Variants in SLC25A48 observed in about 807,000 individuals in gnomAD.
SLC25A48 encodes the protein CTC-321K16.1.
Under a neutral mutation model 32.2 loss-of-function variants are expected in SLC25A48, and 29 were observed. The observed-to-expected ratio is 0.90, with a 90% CI of 0.67 to 1.23. The LOEUF (loss-of-function observed/expected upper bound fraction) is 1.23, where lower values mean the gene tolerates loss of function less well. Among genes scored for constraint, SLC25A48 ranks in the 50% most tolerant of loss-of-function variants. SLC25A48 has a pLI of 0.00. For synonymous variants in SLC25A48, 164 were observed against 172.3 expected (o/e 0.95, Z 0.38); for missense variants, 399 against 422.7 (o/e 0.94, Z 0.49).
rs985158487 is a variant in SLC25A48 at position 135,660,890 on chromosome 5, G to A, written c.-521+25934G>A. ...CTCTGAGCAGCAGGAACTCAGAACA[G>A]TGCCAGGCCAGAGTAAGCACTCAGT... On this transcript the variant is annotated intron_variant, in intron 3 of 10. Transcript: ENST00000646290. Among the ~76,000 whole-genome samples, 6 of 152,332 alleles carry A rather than the reference G, an allele frequency of 3.9e-5. No homozygotes were observed. In the Middle Eastern group the frequency reaches 0.01, roughly 259 times the overall value.
chr5:135,883,575 C>A, intron 7 of SLC25A48: 1 of 719,478 alleles, frequency 1.4e-6, no homozygotes, highest in Non-Finnish European at 1.7e-6. Flanking sequence ...CCCCTCCACA[C>A]AGGTGAGGAG....
At chr5:135,651,817 A>C (rs1753121063) in intron 3 of SLC25A48, among the ~76,000 whole-genome samples, 1 of 152,168 alleles carries the variant, frequency 6.6e-6, no homozygotes, top group Non-Finnish European at 1.5e-5. Flanking sequence ...ATCTACATAG[A>C]TTTATAGGTA....
Position 135,693,195 on chromosome 5 carries a change from T to G in SLC25A48, c.-521+58239T>G, listed in dbSNP as rs143695138. On this transcript the variant is annotated intron_variant, in intron 3 of 10. Coordinates refer to the SLC25A48 transcript ENST00000646290. The stretch of plus-strand genomic sequence containing the variant: ...TTATATTTAATTAAAACTTCTACAT[T>G]TGGCTTGGTATATTAGCAGGGATCT... Among the ~76,000 whole-genome samples the G allele has an allele frequency of 5.7e-3, 873 of 152,334 alleles. 11 individuals carry two copies. The highest frequency in any genetic ancestry group is 0.019 in the African/African-American group (800 of 41,570).
At chr5:135,754,455 C>T (rs1353141150) in intron 3 of SLC25A48, among the ~76,000 whole-genome samples, 1 of 151,810 alleles carries the variant, frequency 6.6e-6, no homozygotes, top group Non-Finnish European at 1.5e-5. Flanking sequence ...TGAAATATCA[C>T]TCTGATGTTT....
At chr5:135,610,656 C>T (rs1163638518) in intron 1 of SLC25A48, among the ~76,000 whole-genome samples, 2 of 152,172 alleles carry the variant, frequency 1.3e-5, no homozygotes, top group Admixed American at 1.3e-4. Flanking sequence ...GGTTTACTCC[C>T]TTTCTGTTGT....
chr5:135,824,143 G>A (rs905063441), intron 4 of SLC25A48, among the ~76,000 whole-genome samples: 5 of 152,204 alleles, frequency 3.3e-5, no homozygotes, highest in Admixed American at 1.3e-4. Context: ...TCTGAGCTGA[G>A]AGTCCAGGAG....
In SLC25A48 at chr5:135,858,528, T is replaced by A. The variant is rs186873344; in HGVS notation, c.421+5707T>A. Among the ~76,000 whole-genome samples, 68 of 152,310 alleles carry A rather than the reference T, an allele frequency of 4.5e-4. 1 individual carries two copies. The highest frequency in any genetic ancestry group is 1.0e-3 in the South Asian group (5 of 4,832). ...AACACAATGCTAGGAGCTTGGCATA[T>A]GTTTAATCTTCACAACAACCCAATT... On this transcript the variant is annotated intron_variant, in intron 4 of 7. Transcript: ENST00000681962.
At chr5:135,757,681 CTA>C (rs1348593769) in intron 3 of SLC25A48, among the ~76,000 whole-genome samples, 2 of 149,576 alleles carry the variant, frequency 1.3e-5, no homozygotes, top group African/African-American at 4.9e-5. Flanking sequence ...TGTTATCACA[CTA>C]TGATATTAAT....
intron 4 of SLC25A48, among the ~76,000 whole-genome samples, chr5:135,859,147 C>A (rs768008223): frequency 1.3e-5 from 2 of 152,172 alleles, no homozygotes; most frequent in South Asian, 4.1e-4. Flanking sequence ...TTAGTCCAAT[C>A]TCTTGCCACT....
At chr5:135,726,602 G>C (rs1354297877) in intron 3 of SLC25A48, among the ~76,000 whole-genome samples, 1 of 152,176 alleles carries the variant, frequency 6.6e-6, no homozygotes, top group Non-Finnish European at 1.5e-5. Context: ...CTTACTCAGC[G>C]TAATGCTCTG....
chr5:135,840,908 T>C (rs1474921502), intron 1 of SLC25A48, among the ~76,000 whole-genome samples: 2 of 152,222 alleles, frequency 1.3e-5, no homozygotes, highest in Admixed American at 1.3e-4. Flanking sequence ...TTTTAGTATC[T>C]GTTTTCTGTT....
At chr5:135,677,079 T>C (rs1447471865) in intron 3 of SLC25A48, among the ~76,000 whole-genome samples, 3 of 152,104 alleles carry the variant, frequency 2.0e-5, no homozygotes, top group East Asian at 1.9e-4. Context: ...ATTTTTGTTT[T>C]AGAGTCTATC....
intron 1 of SLC25A48, among the ~76,000 whole-genome samples, chr5:135,591,501 G>T (rs932388371): frequency 1.2e-4 from 19 of 152,210 alleles, no homozygotes; most frequent in Non-Finnish European, 2.9e-5. Context: ...TGGCAGCTGT[G>T]TTGGACAGTT....
At chr5:135,868,979 A>G (rs887714646) in intron 4 of SLC25A48, among the ~76,000 whole-genome samples, 3 of 152,148 alleles carry the variant, frequency 2.0e-5, no homozygotes, top group Admixed American at 6.5e-5. Context: ...ATATCGATTC[A>G]GTTGAATTGA....
intron 3 of SLC25A48, among the ~76,000 whole-genome samples, chr5:135,636,152 T>C (rs915783502): frequency 6.6e-6 from 1 of 152,246 alleles, no homozygotes; most frequent in African/African-American, 2.4e-5. Flanking sequence ...ATTGCCCACA[T>C]ATAGGTTACT....
rs11950987 is a variant in SLC25A48, at chr5:135,776,266, T to G, written c.-520-36257T>G. On this transcript the variant is annotated intron_variant, in intron 3 of 10. Coordinates refer to the SLC25A48 transcript ENST00000646290. Reference sequence around the variant, plus strand: ...ACCAGAGGATATTGTTCCTCATATCTGGGGGGTGGGGGGCAGAGAGAATAA... The same window carrying G: ...ACCAGAGGATATTGTTCCTCATATCGGGGGGGTGGGGGGCAGAGAGAATAA... Among the ~76,000 whole-genome samples, 115 of 143,238 alleles carry G rather than the reference T, an allele frequency of 8.0e-4. 3 individuals are homozygous for G. The highest frequency in any genetic ancestry group is 1.1e-3 in the Non-Finnish European group (70 of 65,832). The allele number at this position is 143,238 out of a possible 152,430, so 94.0% of individuals were successfully genotyped here.
chr5:135,782,114 G>A (rs1250745207), intron 3 of SLC25A48, among the ~76,000 whole-genome samples: 1 of 116,188 alleles, frequency 8.6e-6, no homozygotes, highest in Non-Finnish European at 2.1e-5. Flanking sequence ...CAATATAACA[G>A]GGGTTGAACA....
intron 4 of SLC25A48, among the ~76,000 whole-genome samples, chr5:135,867,925 C>T (rs1415033936): frequency 6.6e-6 from 1 of 152,146 alleles, no homozygotes; most frequent in Non-Finnish European, 1.5e-5. Context: ...AGTGACACCT[C>T]ATGATATCAC....
intron 3 of SLC25A48, among the ~76,000 whole-genome samples, chr5:135,723,224 A>AGGGGGAC (rs1755002223): frequency 6.6e-6 from 1 of 152,222 alleles, no homozygotes; most frequent in Admixed American, 6.5e-5. Context: ...GACAAGCTTG[A>AGGGGGAC]AGACAAAGCC....
Sources: allele counts gnomAD v4.1 joint callset (sites outside exome capture counted in the v4.1 genomes callset), GRCh38; gene constraint gnomAD v4.1.1; transcripts MANE v1.5; gene names NCBI Gene and HGNC (gene_info 2026-07-23, HGNC 2026-07-21).